Variants in DMD observed in about 807,000 individuals in gnomAD.
The protein encoded by DMD is dystrophin.
In DMD, 63 loss-of-function variants were observed where a neutral mutation model predicts 330.1. The ratio of observed to expected loss-of-function variants is 0.19; its 90% CI spans 0.16 to 0.24. The LOEUF (loss-of-function observed/expected upper bound fraction) is 0.24. Among genes scored for constraint, DMD ranks in the 10% least tolerant of loss-of-function variants. The pLI is 1.00. For missense variants in DMD, 3,344 were observed against 2,684.1 expected (o/e 1.25, Z -5.43); for synonymous variants, 1,223 against 959.8 (o/e 1.27, Z -5.07).
At chrX:31,439,210 C>T (rs181645456) in intron 60 of DMD, among the ~76,000 whole-genome samples, 1 of 111,392 alleles carries the variant, frequency 9.0e-6, no homozygotes, top group Admixed American at 9.6e-5. Context: ...AGGGGTGGGC[C>T]ATCATGGAAG....
intron 25 of DMD, among the ~76,000 whole-genome samples, chrX:32,458,916 T>C (rs776424655): frequency 9.0e-6 from 1 of 111,302 alleles, no homozygotes; most frequent in Non-Finnish European, 1.9e-5. Context: ...GCCAGACATA[T>C]GATTTGTGAA....
chrX:31,947,106 A>G (rs1416003446), intron 45 of DMD, among the ~76,000 whole-genome samples: 1 of 111,611 alleles, frequency 9.0e-6, no homozygotes, highest in Non-Finnish European at 1.9e-5. Context: ...TACAGTGGAT[A>G]ATGAGGAACA....
chrX:32,364,474 A>C, intron 36 of DMD, 108 bp downstream of exon 36: 1 of 906,591 alleles, frequency 1.1e-6, no homozygotes, highest in Admixed American at 2.3e-5. Flanking sequence ...GGAAGGAAGA[A>C]AGGATTGTTT....
intron 1 of DMD, among the ~76,000 whole-genome samples, chrX:33,144,667 G>T (rs760954565): frequency 8.9e-6 from 1 of 111,793 alleles, no homozygotes; most frequent in Non-Finnish European, 1.9e-5. Flanking sequence ...GATGATTGGA[G>T]AGTGTAGACC....
rs758200383 is a variant in DMD at position 31,244,710 on chromosome X, T to C, written c.9286+16245A>G. 3.6e-5 allele frequency among the ~76,000 whole-genome samples: 4 copies of C among 111,988 alleles called. No individual in the cohort carries two copies. The South Asian group carries it at 1.5e-3, about 42-fold the overall frequency. On this transcript the variant is annotated intron_variant, in intron 63 of 78. Coordinates refer to ENST00000357033, the MANE Select transcript of DMD (RefSeq NM_004006.3). ...AACATTCTATTATCTCAAACAACTA[T>C]ATAAAAATGCATAGGAAAGAAGACC...
intron 55 of DMD, among the ~76,000 whole-genome samples, chrX:31,617,514 A>G (rs1255110118): frequency 2.0e-5 from 2 of 98,929 alleles, no homozygotes; most frequent in Non-Finnish European, 4.1e-5. Flanking sequence ...AGCCTGGGGG[A>G]CAAGAGCGAG....
At chrX:31,977,138 C>T (rs1190118255) in intron 44 of DMD, among the ~76,000 whole-genome samples, 1 of 111,643 alleles carries the variant, frequency 9.0e-6, no homozygotes, top group Non-Finnish European at 1.9e-5. Context: ...ACAGTCTTTT[C>T]CCCATTTCCT....
At chrX:32,731,097 G>C (rs936680887) in intron 7 of DMD, among the ~76,000 whole-genome samples, 6 of 112,009 alleles carry the variant, frequency 5.4e-5, no homozygotes, top group African/African-American at 2.0e-4. Context: ...TGCCTCACTC[G>C]GGAAGTGCAA....
intron 55 of DMD, among the ~76,000 whole-genome samples, chrX:31,548,669 G>C (rs1220517163): frequency 9.1e-6 from 1 of 109,370 alleles, no homozygotes; most frequent in African/African-American, 3.3e-5. Context: ...GGGATTACAG[G>C]CTGCGCCACT....
At chrX:32,840,581 T>C (rs958609039) in intron 4 of DMD, among the ~76,000 whole-genome samples, 3 of 112,057 alleles carry the variant, frequency 2.7e-5, no homozygotes, top group African/African-American at 6.5e-5. Flanking sequence ...GATTCTCTTA[T>C]GCGTTTTACT....
intron 44 of DMD, among the ~76,000 whole-genome samples, chrX:32,104,031 G>A (rs1018772834): frequency 1.8e-5 from 2 of 111,013 alleles, no homozygotes; most frequent in African/African-American, 6.6e-5. Context: ...AAACCCCTCA[G>A]AGTTCAGGGC....
intron 55 of DMD, among the ~76,000 whole-genome samples, chrX:31,575,291 T>C (rs997748766): frequency 2.7e-5 from 3 of 112,009 alleles, no homozygotes; most frequent in Non-Finnish European, 5.6e-5. Flanking sequence ...AAATAATATG[T>C]GGACTATAAG....
At chrX:32,899,855 C>T (rs890374581) in intron 2 of DMD, among the ~76,000 whole-genome samples, 6 of 111,159 alleles carry the variant, frequency 5.4e-5, no homozygotes, top group African/African-American at 2.0e-4. Flanking sequence ...AAGAGTTTGA[C>T]TTATTTGTGG....
chrX:31,163,879 C>T (rs950188794), intron 74 of DMD, among the ~76,000 whole-genome samples: 22 of 111,734 alleles, frequency 2.0e-4, no homozygotes, highest in African/African-American at 7.2e-4. Context: ...CTGCACGACA[C>T]TGTGTGAAGT....
At chrX:32,007,546 G>T (rs1479641841) in intron 44 of DMD, among the ~76,000 whole-genome samples, 1 of 110,960 alleles carries the variant, frequency 9.0e-6, no homozygotes, top group African/African-American at 3.3e-5. Flanking sequence ...ATCCTATATT[G>T]CCAAGTGCAT....
At chrX:32,303,481 T>C (rs761733021) in intron 42 of DMD, among the ~76,000 whole-genome samples, 2 of 111,414 alleles carry the variant, frequency 1.8e-5, no homozygotes, top group South Asian at 3.7e-4. Flanking sequence ...GGGTTATACA[T>C]ATACTTAAAT....
At chrX:32,511,030 C>A (rs1413258285) in intron 18 of DMD, among the ~76,000 whole-genome samples, 1 of 109,188 alleles carries the variant, frequency 9.2e-6, no homozygotes, top group Non-Finnish European at 1.9e-5. Flanking sequence ...TATATATACC[C>A]CTTTCCCATG....
chrX:33,169,513 A>C (rs1318277229), intron 1 of DMD, among the ~76,000 whole-genome samples: 2 of 111,521 alleles, frequency 1.8e-5, no homozygotes, highest in African/African-American at 6.5e-5. Context: ...AATGGTCATG[A>C]TATACTAGGT....
intron 29 of DMD, among the ~76,000 whole-genome samples, chrX:32,416,754 C>A (rs887899453): frequency 9.0e-6 from 1 of 111,336 alleles, no homozygotes; most frequent in Non-Finnish European, 1.9e-5. Context: ...ACTCAACCTG[C>A]CCTTCAGAAA....
Sources: gnomAD v4.1 joint callset for allele counts (sites outside exome capture counted in the v4.1 genomes callset) on GRCh38, gnomAD v4.1.1 for gene constraint, MANE v1.5 for transcripts, NCBI Gene and HGNC (gene_info 2026-07-23, HGNC 2026-07-21) for gene names.